Variants in SGCZ observed in about 807,000 individuals in gnomAD.
SGCZ encodes the protein zeta-sarcoglycan.
Under a neutral mutation model 41.3 loss-of-function variants are expected in SGCZ, and 40 were observed. The ratio of observed to expected loss-of-function variants is 0.97; its 90% CI spans 0.75 to 1.26. The LOEUF (loss-of-function observed/expected upper bound fraction) is 1.26, where lower values mean the gene tolerates loss of function less well. SGCZ is among the 50% of genes most tolerant of loss of function. The probability of loss-of-function intolerance (pLI) is 0.00; values close to 1 mark genes in which losing one functional copy is unlikely to be tolerated. For synonymous variants in SGCZ, 206 were observed against 137.5 expected (o/e 1.50, Z -3.49); for missense variants, 552 against 369.8 (o/e 1.49, Z -4.04).
chr8:14,241,338 T>A (rs1006854676), intron 3 of SGCZ, among the ~76,000 whole-genome samples: 1 of 151,230 alleles, frequency 6.6e-6, no homozygotes, highest in African/African-American at 2.4e-5. Flanking sequence ...GGAATAGTAA[T>A]CAGATATTTA....
intron 1 of SGCZ, among the ~76,000 whole-genome samples, chr8:14,667,510 C>T (rs1252894099): frequency 2.6e-5 from 4 of 152,134 alleles, no homozygotes; most frequent in Admixed American, 6.5e-5. Context: ...TCAACTGTTG[C>T]TCTTTAAAAA....
At chr8:14,442,942 G>A (rs977743131) in intron 2 of SGCZ, among the ~76,000 whole-genome samples, 10 of 152,086 alleles carry the variant, frequency 6.6e-5, no homozygotes, top group African/African-American at 1.9e-4. Flanking sequence ...TCCTTAAGCT[G>A]ATAAGCAACT....
intron 1 of SGCZ, among the ~76,000 whole-genome samples, chr8:14,807,305 C>A (rs896146693): frequency 6.6e-6 from 1 of 151,982 alleles, no homozygotes; most frequent in African/African-American, 2.4e-5. Context: ...TGTTTGCAGA[C>A]GACATGATTG....
At chr8:14,909,319 T>C (rs1799212772) in intron 1 of SGCZ, among the ~76,000 whole-genome samples, 1 of 152,188 alleles carries the variant, frequency 6.6e-6, no homozygotes, top group South Asian at 2.1e-4. Context: ...ATACATCCCT[T>C]TTAAATAATT....
rs77546712 is a variant in SGCZ, at chr8:15,068,920, A to G, written c.39+168665T>C. Among the ~76,000 whole-genome samples, 301 of 152,300 alleles carry G rather than the reference A, an allele frequency of 2.0e-3. 7 individuals carry two copies. The East Asian group carries it at 0.046, about 23-fold the overall frequency. ...AGTTTATGTGGTCTGTGCTTCTACT[A>G]CTAATGTTAGCACTTCCATTTTTCT... On this transcript the variant is annotated intron_variant, in intron 1 of 7. Coordinates refer to ENST00000382080, the MANE Select transcript of SGCZ (RefSeq NM_139167.4).
chr8:14,896,580 G>A (rs1010914043), intron 1 of SGCZ, among the ~76,000 whole-genome samples: 5 of 152,140 alleles, frequency 3.3e-5, no homozygotes, highest in Admixed American at 3.3e-4. Flanking sequence ...AGGTTCCAGT[G>A]ATTCTTCTGC....
intron 7 of SGCZ, among the ~76,000 whole-genome samples, chr8:14,102,076 T>TTATATATATATATATATA (rs55667194): frequency 1.7e-5 from 2 of 119,918 alleles, no homozygotes; most frequent in African/African-American, 6.9e-5. Flanking sequence ...TTGGCTAACT[T>TTATATATATATATATATA]TATATATATA....
In SGCZ at chr8:14,090,108, T is replaced by C. The variant is rs936265747; in HGVS notation, c.*335A>G. 5.5e-6 allele frequency: 1 copy of C among 180,620 alleles called. No individual in the cohort carries two copies. Among genetic ancestry groups the C allele is most frequent in the Non-Finnish European group, 1.2e-5 (1 of 86,940 alleles). 11.2% of individuals were successfully genotyped at this position (180,620 alleles called of 1,614,324 possible). On this transcript the variant is annotated 3_prime_UTR_variant, in exon 8 of 8. Coordinates refer to ENST00000382080, the MANE Select transcript of SGCZ (RefSeq NM_139167.4). ...GAATTTCATTTATGTAATGTATATA[T>C]GTGCAGTTCATATCCAGGTCCTGCA...
At chr8:14,454,951 C>A (rs763548092) in intron 2 of SGCZ, among the ~76,000 whole-genome samples, 27 of 152,132 alleles carry the variant, frequency 1.8e-4, no homozygotes, top group Non-Finnish European at 3.5e-4. Context: ...GTAGATTTGT[C>A]TTTGAAGTTG....
At chr8:14,896,430 G>T (rs1370952068) in intron 1 of SGCZ, among the ~76,000 whole-genome samples, 2 of 144,318 alleles carry the variant, frequency 1.4e-5, no homozygotes, top group East Asian at 3.9e-4. Context: ...GACTCATGAT[G>T]GAAGACTTTT....
chr8:14,490,671 G>A (rs1398480643), intron 2 of SGCZ, among the ~76,000 whole-genome samples: 1 of 152,142 alleles, frequency 6.6e-6, no homozygotes, highest in Non-Finnish European at 1.5e-5. Flanking sequence ...GTCAAATTGT[G>A]TTCTTGAGAA....
At chr8:14,233,153 G>C (rs1479513383) in intron 4 of SGCZ, among the ~76,000 whole-genome samples, 1 of 151,926 alleles carries the variant, frequency 6.6e-6, no homozygotes, top group African/African-American at 2.4e-5. Flanking sequence ...TCCAGTTTCT[G>C]AATTTATCCT....
intron 4 of SGCZ, among the ~76,000 whole-genome samples, chr8:14,208,451 C>G (rs138981678): frequency 8.2e-4 from 125 of 151,556 alleles, no homozygotes; most frequent in African/African-American, 2.9e-3. Flanking sequence ...ATGGAGGAAC[C>G]AAAAAGGAAA....
chr8:14,640,296 A>T (rs1806979519), intron 1 of SGCZ, among the ~76,000 whole-genome samples: 1 of 151,660 alleles, frequency 6.6e-6, no homozygotes, highest in African/African-American at 2.4e-5. Context: ...CTTTGTTCTT[A>T]CAAAGTTTGG....
intron 1 of SGCZ, among the ~76,000 whole-genome samples, chr8:14,860,710 G>GAAAGAAAGA (rs1563321351): frequency 7.8e-5 from 4 of 51,334 alleles, no homozygotes; most frequent in Non-Finnish European, 1.9e-4. Flanking sequence ...GAAAGAAAGA[G>GAAAGAAAGA]AAAGAAAGAA....
chr8:14,701,414 T>C (rs777046032), intron 1 of SGCZ, among the ~76,000 whole-genome samples: 1 of 151,974 alleles, frequency 6.6e-6, no homozygotes, highest in Non-Finnish European at 1.5e-5. Flanking sequence ...CAACTTTTTG[T>C]TTTCTTTCTC....
rs1031184365 is a variant in SGCZ, at chr8:14,488,921, T to C, written c.234+65811A>G. 2.0e-5 allele frequency among the ~76,000 whole-genome samples: 3 copies of C among 151,420 alleles called. 1 individual carries two copies. Among genetic ancestry groups the C allele is most frequent in the East Asian group, 3.9e-4 (2 of 5,180 alleles). On this transcript the variant is annotated intron_variant, in intron 2 of 7. Coordinates refer to ENST00000382080, the MANE Select transcript of SGCZ (RefSeq NM_139167.4). ...TAGTTCTGGAAATTTACCCTTTTTTTCCTCCATGGATTCAGCAGCAGTATC... is the reference window on the plus strand; with the variant it reads ...TAGTTCTGGAAATTTACCCTTTTTTCCCTCCATGGATTCAGCAGCAGTATC...
intron 2 of SGCZ, among the ~76,000 whole-genome samples, chr8:14,377,036 A>G (rs1804157719): frequency 2.6e-5 from 4 of 152,160 alleles, no homozygotes; most frequent in Admixed American, 2.6e-4. Context: ...CCTTTCCGCC[A>G]TATCTGAGCT....
chr8:14,685,515 G>A (rs1808584679), intron 1 of SGCZ, among the ~76,000 whole-genome samples: 2 of 151,962 alleles, frequency 1.3e-5, no homozygotes, highest in South Asian at 4.2e-4. Context: ...ACATACTTTG[G>A]TTAATTCATG....
Sources: gnomAD v4.1 joint callset for allele counts (sites outside exome capture counted in the v4.1 genomes callset) on GRCh38, gnomAD v4.1.1 for gene constraint, MANE v1.5 for transcripts, NCBI Gene and HGNC (gene_info 2026-07-23, HGNC 2026-07-21) for gene names.